The following MACROD2 variants were observed in gnomAD, a reference collection of about 807,000 sequenced individuals.
MACROD2 encodes ADP-ribose glycohydrolase MACROD2.
A neutral mutation model predicts 70.4 loss-of-function variants in MACROD2; 36 were observed. That is an observed-to-expected ratio of 0.51 (90% CI 0.39 to 0.68). MACROD2 has a LOEUF of 0.68. MACROD2 is among the 30% of genes least tolerant of loss of function. The probability of loss-of-function intolerance (pLI) is 0.00; values close to 1 mark genes in which losing one functional copy is unlikely to be tolerated. For synonymous variants in MACROD2, 172 were observed against 178.8 expected, an observed-to-expected ratio of 0.96 and a Z score of 0.30; for missense variants, 496 against 538.4, an observed-to-expected ratio of 0.92 and a Z score of 0.78.
intron 3 of MACROD2, among the ~76,000 whole-genome samples, chr20:14,386,318 G>T (rs1194007290): frequency 1.3e-5 from 2 of 152,214 alleles, no homozygotes; most frequent in African/African-American, 4.8e-5. Flanking sequence ...CTGTGGTGAT[G>T]ATAGTTTTCT....
chr20:14,397,682 G>A (rs1255937359), intron 3 of MACROD2, among the ~76,000 whole-genome samples: 2 of 152,128 alleles, frequency 1.3e-5, no homozygotes, highest in East Asian at 1.9e-4. Flanking sequence ...TGCATACAAT[G>A]TGTAGTGATC....
intron 8 of MACROD2, among the ~76,000 whole-genome samples, chr20:15,627,629 G>C (rs1362735669): frequency 1.3e-5 from 2 of 152,118 alleles, no homozygotes; most frequent in Non-Finnish European, 2.9e-5. Flanking sequence ...ACAGAAGCAA[G>C]AGCAAGGTTG....
intron 5 of MACROD2, among the ~76,000 whole-genome samples, chr20:14,860,557 GTC>G (rs917279931): frequency 4.6e-5 from 7 of 152,234 alleles, no homozygotes; most frequent in African/African-American, 1.7e-4. Context: ...ACTCCTCCGG[GTC>G]TCTGTTTGCC....
intron 5 of MACROD2, among the ~76,000 whole-genome samples, chr20:14,898,115 T>A (rs1324974717): frequency 6.6e-6 from 1 of 152,182 alleles, no homozygotes; most frequent in Non-Finnish European, 1.5e-5. Context: ...GTTTTATTAA[T>A]TAATATTTTT....
intron 3 of MACROD2, among the ~76,000 whole-genome samples, chr20:14,220,515 G>T (rs1028575791): frequency 2.0e-5 from 3 of 152,140 alleles, no homozygotes; most frequent in African/African-American, 7.2e-5. Context: ...TCTGCACACT[G>T]AATTTGCACC....
intron 3 of MACROD2, among the ~76,000 whole-genome samples, chr20:14,238,087 C>A (rs1029946661): frequency 1.3e-5 from 2 of 151,912 alleles, no homozygotes; most frequent in East Asian, 1.9e-4. Context: ...GTCAAATGGT[C>A]TTTCTAGTTC....
At chr20:14,881,666 C>G (rs2073612355) in intron 5 of MACROD2, among the ~76,000 whole-genome samples, 1 of 152,096 alleles carries the variant, frequency 6.6e-6, no homozygotes, top group African/African-American at 2.4e-5. Context: ...TCAAGCTTGT[C>G]CATACTCTAC....
rs776012705 is a variant in MACROD2 at position 15,847,290 on chromosome 20, CATTATT to C, written c.646-15454_646-15449del. On this transcript the variant is annotated intron_variant, in intron 8 of 17. Coordinates refer to ENST00000684519, the MANE Select transcript of MACROD2 (RefSeq NM_001351661.2). ...ATGGTTTAGAGTGGACTTTCGGCAG[CATTATT>C]TTAGGAATGTATCTCTCTAAGCAAT... is the stretch of plus-strand genomic sequence containing the variant. Among the ~76,000 whole-genome samples the C allele has an allele frequency of 6.0e-4, 91 of 152,250 alleles. 1 individual carries two copies. Among genetic ancestry groups the C allele is most frequent in the Middle Eastern group, 3.4e-3 (1 of 294 alleles).
chr20:15,742,067 T>G (rs1335841949), intron 8 of MACROD2, among the ~76,000 whole-genome samples: 2 of 152,242 alleles, frequency 1.3e-5, no homozygotes, highest in African/African-American at 4.8e-5. Context: ...CTGAATAATT[T>G]GACACTTTGG....
intron 5 of MACROD2, among the ~76,000 whole-genome samples, chr20:15,133,429 C>T (rs1005205686): frequency 3.3e-5 from 5 of 152,034 alleles, no homozygotes; most frequent in South Asian, 2.1e-4. Context: ...TGGTAAGTCT[C>T]ATACAGAAAT....
intron 5 of MACROD2, among the ~76,000 whole-genome samples, chr20:15,096,714 G>T (rs951083310): frequency 6.6e-6 from 1 of 151,120 alleles, no homozygotes; most frequent in Non-Finnish European, 1.5e-5. Context: ...CTTTCACCAT[G>T]TTGACCAGGC....
At chr20:15,128,310 C>A (rs908973359) in intron 5 of MACROD2, among the ~76,000 whole-genome samples, 1 of 151,978 alleles carries the variant, frequency 6.6e-6, no homozygotes, top group Non-Finnish European at 1.5e-5. Flanking sequence ...AGAATTGTTT[C>A]TTTCTATCAG....
At chr20:15,366,091 G>A (rs2045405139) in intron 6 of MACROD2, among the ~76,000 whole-genome samples, 1 of 152,192 alleles carries the variant, frequency 6.6e-6, no homozygotes, top group Admixed American at 6.5e-5. Flanking sequence ...AGAGAACAGA[G>A]AGGGATTATT....
At chr20:15,632,846 CCT>C (rs1279678286) in intron 8 of MACROD2, among the ~76,000 whole-genome samples, 4 of 151,098 alleles carry the variant, frequency 2.6e-5, no homozygotes, top group Non-Finnish European at 5.9e-5. Context: ...CTCCTTCTTC[CCT>C]CTCTCTTTTC....
intron 6 of MACROD2, among the ~76,000 whole-genome samples, chr20:15,394,941 G>A (rs1236566732): frequency 1.3e-5 from 2 of 152,216 alleles, no homozygotes; most frequent in Admixed American, 6.5e-5. Flanking sequence ...TAGGGCTCAA[G>A]TAGAGTAGAC....
intron 6 of MACROD2, among the ~76,000 whole-genome samples, chr20:15,431,126 G>A (rs1186234129): frequency 6.6e-6 from 1 of 151,990 alleles, no homozygotes; most frequent in Non-Finnish European, 1.5e-5. Flanking sequence ...TTCATTGTAG[G>A]TTTATATAAT....
At chr20:15,138,392 G>T (rs1266481195) in intron 5 of MACROD2, among the ~76,000 whole-genome samples, 1 of 152,144 alleles carries the variant, frequency 6.6e-6, no homozygotes. Context: ...ATTTATGCAT[G>T]TGAAATGTCT....
chr20:15,569,585 T>C (rs1198902928), intron 8 of MACROD2, among the ~76,000 whole-genome samples: 1 of 152,216 alleles, frequency 6.6e-6, no homozygotes, highest in Non-Finnish European at 1.5e-5. Flanking sequence ...CATTCTACGC[T>C]CTGCTGCGAT....
intron 3 of MACROD2, among the ~76,000 whole-genome samples, chr20:14,478,974 G>C (rs556969754): frequency 6.6e-6 from 1 of 152,062 alleles, no homozygotes; most frequent in East Asian, 1.9e-4. Flanking sequence ...GAAAGTCTCT[G>C]GTCTGACTGG....
Sources: allele counts gnomAD v4.1 joint callset (sites outside exome capture counted in the v4.1 genomes callset), GRCh38; gene constraint gnomAD v4.1.1; transcripts MANE v1.5; gene names NCBI Gene and HGNC (gene_info 2026-07-23, HGNC 2026-07-21).